Variants in POU6F2 observed in about 807,000 individuals in gnomAD.
The protein encoded by POU6F2 is POU class 6 homeobox 2, also known as POU domain, class 6, transcription factor 2.
In POU6F2, 31 loss-of-function variants were observed where a neutral mutation model predicts 71.3. The ratio of observed to expected loss-of-function variants is 0.43; its 90% confidence interval spans 0.33 to 0.59. The LOEUF (loss-of-function observed/expected upper bound fraction) is 0.59, where lower values mean the gene tolerates loss of function less well. POU6F2 is among the 20% of genes least tolerant of loss of function. The probability of loss-of-function intolerance (pLI) is 0.04; values close to 1 mark genes in which losing one functional copy is unlikely to be tolerated. For missense variants in POU6F2, 783 were observed against 856.8 expected (o/e 0.91, Z 1.07); for synonymous variants, 347 against 355.7 (o/e 0.98, Z 0.27).
chr7:39,055,638 A>G (rs1413489425), intron 1 of POU6F2, among the ~76,000 whole-genome samples: 2 of 151,814 alleles, frequency 1.3e-5, no homozygotes, highest in African/African-American at 4.8e-5. Context: ...TTTTTTGTCT[A>G]GTTTTTTTTC....
chr7:39,383,067 G>T (rs1408661016), intron 5 of POU6F2, among the ~76,000 whole-genome samples: 1 of 152,240 alleles, frequency 6.6e-6, no homozygotes, highest in East Asian at 1.9e-4. Flanking sequence ...ATTAATATGC[G>T]CATTGCCAAG....
chr7:39,285,626 A>G (rs1169615375), intron 4 of POU6F2, among the ~76,000 whole-genome samples: 1 of 152,238 alleles, frequency 6.6e-6, no homozygotes, highest in Non-Finnish European at 1.5e-5. Context: ...TCCCCAGGTA[A>G]GGACCAAAAA....
At chr7:39,053,811 T>TA (rs1030029103) in intron 1 of POU6F2, among the ~76,000 whole-genome samples, 21 of 151,290 alleles carry the variant, frequency 1.4e-4, no homozygotes, top group East Asian at 1.4e-3. Context: ...AAATGAAATT[T>TA]AAAAAAAAAG....
intron 4 of POU6F2, among the ~76,000 whole-genome samples, chr7:39,211,209 G>C (rs1794136911): frequency 6.6e-6 from 1 of 152,022 alleles, no homozygotes; most frequent in South Asian, 2.1e-4. Context: ...TGGTGGGTTG[G>C]GAGGAACAAA....
At chr7:39,391,186 T>C (rs1787069485) in intron 5 of POU6F2, among the ~76,000 whole-genome samples, 1 of 152,224 alleles carries the variant, frequency 6.6e-6, no homozygotes, top group Admixed American at 6.5e-5. Context: ...GCTTTTTTTC[T>C]TGAAACCTCT....
chr7:39,016,987 C>T (rs940360630), intron 1 of POU6F2, among the ~76,000 whole-genome samples: 1 of 152,170 alleles, frequency 6.6e-6, no homozygotes, highest in Non-Finnish European at 1.5e-5. Flanking sequence ...CCGTGAATGT[C>T]ATAAATGCCT....
intron 4 of POU6F2, among the ~76,000 whole-genome samples, chr7:39,299,445 T>C (rs1451025749): frequency 6.6e-6 from 1 of 152,164 alleles, no homozygotes; most frequent in African/African-American, 2.4e-5. Context: ...GAATTGTGCC[T>C]ACAGCATTTG....
At chr7:39,245,710 A>C (rs1369291136) in intron 4 of POU6F2, among the ~76,000 whole-genome samples, 1 of 152,218 alleles carries the variant, frequency 6.6e-6, no homozygotes, top group African/African-American at 2.4e-5. Flanking sequence ...GTAAAACCTT[A>C]GAGGTCTCCA....
chr7:39,061,185 C>A (rs940068341), intron 1 of POU6F2, among the ~76,000 whole-genome samples: 13 of 152,012 alleles, frequency 8.6e-5, no homozygotes, highest in Non-Finnish European at 1.5e-4. Flanking sequence ...AATAGAATGA[C>A]ATTTTAATAG....
intron 2 of POU6F2, among the ~76,000 whole-genome samples, chr7:39,169,530 A>C (rs879321317): frequency 1.3e-5 from 2 of 152,242 alleles, no homozygotes; most frequent in Non-Finnish European, 2.9e-5. Context: ...TCATCAAGTC[A>C]TACAATGTTT....
chr7:39,328,892 G>C (rs528015558), intron 4 of POU6F2: 1 of 152,188 alleles, frequency 6.6e-6, no homozygotes, highest in Non-Finnish European at 1.5e-5. Context: ...CTGTGATGCC[G>C]TCTTTCTGTA....
At chr7:39,089,994 C>T (rs757439014) in intron 2 of POU6F2, among the ~76,000 whole-genome samples, 10 of 151,920 alleles carry the variant, frequency 6.6e-5, no homozygotes, top group Non-Finnish European at 1.2e-4. Context: ...ATTGGGCACA[C>T]AGCTAAGAGC....
chr7:39,017,507 G>A (rs1021215082), intron 1 of POU6F2, among the ~76,000 whole-genome samples: 2 of 152,068 alleles, frequency 1.3e-5, no homozygotes, highest in African/African-American at 4.8e-5. Flanking sequence ...ATAACCTAAA[G>A]CAGATTACTG....
chr7:39,098,246 T>TTTTA (rs1453543854), intron 2 of POU6F2, among the ~76,000 whole-genome samples: 2 of 151,998 alleles, frequency 1.3e-5, no homozygotes, highest in South Asian at 2.1e-4. Context: ...AGCCAATACA[T>TTTTA]TTTATTTATT....
intron 1 of POU6F2, among the ~76,000 whole-genome samples, chr7:39,073,692 T>A (rs1163663115): frequency 6.6e-6 from 1 of 152,240 alleles, no homozygotes; most frequent in Non-Finnish European, 1.5e-5. Flanking sequence ...AACTCCATAG[T>A]ATCTGGTGCT....
chr7:39,285,121 A>G (rs1342178648), intron 4 of POU6F2, among the ~76,000 whole-genome samples: 1 of 152,240 alleles, frequency 6.6e-6, no homozygotes, highest in Non-Finnish European at 1.5e-5. Context: ...CCTGGATTTT[A>G]TCCCCAAGTC....
intron 6 of POU6F2, among the ~76,000 whole-genome samples, chr7:39,425,597 T>C: frequency 6.6e-6 from 1 of 152,200 alleles, no homozygotes; most frequent in Non-Finnish European, 1.5e-5. Flanking sequence ...CAACAATCAG[T>C]ATTATAAATA....
At chr7:39,445,526 T>C (rs757609594) in intron 7 of POU6F2, among the ~76,000 whole-genome samples, 1 of 152,214 alleles carries the variant, frequency 6.6e-6, no homozygotes, top group Non-Finnish European at 1.5e-5. Context: ...ATCCATTCTT[T>C]GGGGTCTGGA....
intron 6 of POU6F2, among the ~76,000 whole-genome samples, chr7:39,424,072 C>T (rs1249280026): frequency 6.6e-6 from 1 of 152,208 alleles, no homozygotes; most frequent in Admixed American, 6.5e-5. Context: ...ACTTCCTGGT[C>T]ACAGACAGCT....
Sources: gnomAD v4.1 joint callset for allele counts (sites outside exome capture counted in the v4.1 genomes callset) on GRCh38, gnomAD v4.1.1 for gene constraint, MANE v1.5 for transcripts, NCBI Gene and HGNC (gene_info 2026-07-23, HGNC 2026-07-21) for gene names.